The following WDR7 variants were observed in gnomAD, a reference collection of about 807,000 sequenced individuals.
WDR7 encodes the protein WD repeat-containing protein 7.
Under a neutral mutation model 169.4 loss-of-function variants are expected in WDR7, and 46 were observed. The observed-to-expected ratio is 0.27, with a 90% confidence interval of 0.21 to 0.35. The LOEUF is 0.35. WDR7 is among the 10% of genes least tolerant of loss of function. The pLI, the probability that WDR7 is intolerant of heterozygous loss-of-function variation, is 1.00. For missense variants in WDR7, 1,534 were observed against 1,859.3 expected (o/e 0.83, Z 3.22); for synonymous variants, 612 against 666.8 (o/e 0.92, Z 1.27).
chr18:56,819,392 ATC>A, intron 20 of WDR7, among the ~76,000 whole-genome samples: 1 of 152,170 alleles, frequency 6.6e-6, no homozygotes, highest in East Asian at 1.9e-4. Context: ...TTCTTTCTCT[ATC>A]TCTCTTTTTA....
At chr18:56,965,865 T>C (rs1304494291) in intron 26 of WDR7, among the ~76,000 whole-genome samples, 1 of 152,132 alleles carries the variant, frequency 6.6e-6, no homozygotes, top group African/African-American at 2.4e-5. Flanking sequence ...GAACTCCATC[T>C]CTATGTTAAT....
intron 14 of WDR7, 102 bp downstream of exon 14, chr18:56,731,699 C>A: frequency 9.6e-7 from 1 of 1,040,076 alleles, no homozygotes; most frequent in Non-Finnish European, 1.4e-6. Flanking sequence ...GAGAAATGAC[C>A]CTTGAAAAAT....
intron 1 of WDR7, among the ~76,000 whole-genome samples, chr18:56,663,174 T>C (rs1301369070): frequency 6.6e-6 from 1 of 152,214 alleles, no homozygotes; most frequent in Non-Finnish European, 1.5e-5. Context: ...TGACCACATT[T>C]AACCTTTATC....
In WDR7 at chr18:56,712,464, C is replaced by T. The variant is rs76447111; in HGVS notation, c.1579-5500C>T. 2.7e-3 allele frequency among the ~76,000 whole-genome samples: 414 copies of T among 152,220 alleles called. 4 individuals carry two copies. The East Asian group carries it at 0.037, about 13-fold the overall frequency. On this transcript the variant is annotated intron_variant, in intron 12 of 27. Coordinates refer to ENST00000254442, the MANE Select transcript of WDR7 (RefSeq NM_015285.3). ...AATTATTTGAAAAATAATAATTGAC[C>T]TAAGAATATACTTGTTTTGGGCCAG...
chr18:56,865,377 G>A (rs538163571), intron 20 of WDR7, among the ~76,000 whole-genome samples: 22 of 152,152 alleles, frequency 1.4e-4, no homozygotes, highest in African/African-American at 5.1e-4. Context: ...ACACACTATC[G>A]GCTTAGAATA....
At chr18:56,681,286 A>G (rs910646427) in intron 3 of WDR7, 27 bp from the exon 4 acceptor site, 19 of 1,510,758 alleles carry the variant, frequency 1.3e-5, no homozygotes, top group Non-Finnish European at 1.7e-5. Flanking sequence ...AGTCACACTC[A>G]AAGCTGACCA....
rs1177050256 is a variant in WDR7, at chr18:56,732,458, CAT to C, written c.1989+862_1989+863del. ...ATTTTCATTTTTTTAAATGGTTAGA[CAT>C]GTGAATAAATAGTAAAGGGGTTGAA... On this transcript the variant is annotated intron_variant, in intron 14 of 27. Transcript: ENST00000254442. Among the ~76,000 whole-genome samples the C allele has an allele frequency of 2.0e-5, 3 of 152,178 alleles. No homozygotes were observed. In the East Asian group the frequency reaches 5.8e-4, roughly 29 times the overall value.
chr18:56,956,452 G>A (rs1260515131), intron 25 of WDR7, among the ~76,000 whole-genome samples: 1 of 152,096 alleles, frequency 6.6e-6, no homozygotes, highest in African/African-American at 2.4e-5. Context: ...CATCCATGAG[G>A]GCTGTTGACC....
At chr18:56,859,094 A>G (rs888275856) in intron 20 of WDR7, among the ~76,000 whole-genome samples, 1 of 151,756 alleles carries the variant, frequency 6.6e-6, no homozygotes, top group African/African-American at 2.4e-5. Context: ...GGATTTAGGG[A>G]CCTCTCTGGG....
chr18:56,969,324 A>G (rs2047452288), intron 26 of WDR7, among the ~76,000 whole-genome samples: 1 of 152,176 alleles, frequency 6.6e-6, no homozygotes, highest in South Asian at 2.1e-4. Context: ...GACAGCCTAA[A>G]TTAGGCTCTT....
chr18:56,952,174 C>T (rs2047193032), intron 25 of WDR7, among the ~76,000 whole-genome samples: 5 of 152,316 alleles, frequency 3.3e-5, no homozygotes, highest in Non-Finnish European at 1.5e-5. Context: ...TTGAGAAGCA[C>T]TGCTCTCAGC....
chr18:57,004,763 T>G (rs953688053), intron 26 of WDR7, among the ~76,000 whole-genome samples: 1 of 152,206 alleles, frequency 6.6e-6, no homozygotes, highest in Non-Finnish European at 1.5e-5. Flanking sequence ...AAACAGTTCT[T>G]ACAGTTTCAC....
chr18:56,921,781 C>T (rs1324207838), intron 21 of WDR7, among the ~76,000 whole-genome samples: 6 of 152,128 alleles, frequency 3.9e-5, no homozygotes, highest in Admixed American at 3.9e-4. Context: ...ATCAAAACAT[C>T]GACCACTTAT....
chr18:56,718,055 C>T lies in WDR7; in HGVS notation c.1670C>T (p.Ser557Phe). 1 of 1,614,160 alleles carries T rather than the reference C, an allele frequency of 6.2e-7. No homozygotes were observed. Among genetic ancestry groups the T allele is most frequent in the Non-Finnish European group, 8.5e-7 (1 of 1,180,020 alleles). ...GAGAAAAAATGCATAATGTTGGCAT[C>T]TCGTCACCTTTTTCCTATTCAAGTA... ...LREKKCIMLASRHLFPIQVIK... is the reference protein window; with the variant it reads ...LREKKCIMLAFRHLFPIQVIK... Residue 557 changes from serine (S) to phenylalanine (F), a missense_variant, in exon 13 of 28, where the codon TCT (serine) becomes TTT (phenylalanine). Physicochemically the swap from Ser to Phe is radical, Grantham distance 155. Coordinates refer to ENST00000254442, the MANE Select transcript of WDR7 (RefSeq NM_015285.3).
chr18:56,805,494 ACATTTAGGATTATGG>A (rs1249580192), intron 19 of WDR7, among the ~76,000 whole-genome samples: 1 of 152,120 alleles, frequency 6.6e-6, no homozygotes, highest in Non-Finnish European at 1.5e-5. Context: ...CGAGATTTCA[ACATTTAGGATTATGG>A]CATTTGGGAT....
At chr18:56,920,541 A>G (rs190531742) in intron 21 of WDR7, among the ~76,000 whole-genome samples, 2 of 152,282 alleles carry the variant, frequency 1.3e-5, no homozygotes, top group Admixed American at 1.3e-4. Context: ...AAATGCGAAA[A>G]TCCTTGACTG....
intron 12 of WDR7, among the ~76,000 whole-genome samples, chr18:56,698,382 G>A (rs542565443): frequency 2.6e-5 from 4 of 152,110 alleles, no homozygotes; most frequent in East Asian, 3.9e-4. Context: ...TGAGAGGGGC[G>A]GATCACGAGG....
intron 14 of WDR7, among the ~76,000 whole-genome samples, chr18:56,753,568 TG>T (rs1240102422): frequency 6.6e-6 from 1 of 152,108 alleles, no homozygotes; most frequent in Non-Finnish European, 1.5e-5. Context: ...CTAACTTCCT[TG>T]GCAGAATTAG....
intron 11 of WDR7, 41 bp from the exon 12 acceptor site, chr18:56,696,201 C>A: frequency 6.6e-7 from 1 of 1,517,748 alleles, no homozygotes; most frequent in South Asian, 1.2e-5. Context: ...ACTTGGTAAA[C>A]CTTTAATTTT....
Sources: allele counts gnomAD v4.1 joint callset (sites outside exome capture counted in the v4.1 genomes callset), GRCh38; gene constraint gnomAD v4.1.1; transcripts MANE v1.5; gene names NCBI Gene and HGNC (gene_info 2026-07-23, HGNC 2026-07-21).